UBE2R2: variants seen among roughly 807,000 people sequenced by gnomAD.
The protein encoded by UBE2R2 is ubiquitin-conjugating enzyme E2 R2.
A neutral mutation model predicts 27.8 loss-of-function variants in UBE2R2; 1 was observed. The observed-to-expected ratio is 0.04, with a 90% CI of 0.01 to 0.17. The LOEUF (loss-of-function observed/expected upper bound fraction) is 0.17. Among genes scored for constraint, UBE2R2 ranks in the 10% least tolerant of loss-of-function variants. The pLI, the probability that UBE2R2 is intolerant of heterozygous loss-of-function variation, is 1.00. For missense variants in UBE2R2, 100 were observed against 291.0 expected, an observed-to-expected ratio of 0.34 and a Z score of 4.78; for synonymous variants, 106 against 113.3, an observed-to-expected ratio of 0.94 and a Z score of 0.41.
intron 1 of UBE2R2, among the ~76,000 whole-genome samples, chr9:33,853,031 T>C (rs1821002645): frequency 6.6e-6 from 1 of 151,946 alleles, no homozygotes; most frequent in African/African-American, 2.4e-5. Flanking sequence ...AAAATTGTAA[T>C]TAATTTTTAA....
intron 1 of UBE2R2, among the ~76,000 whole-genome samples, chr9:33,840,836 C>G (rs958524668): frequency 6.6e-6 from 1 of 152,140 alleles, no homozygotes; most frequent in Non-Finnish European, 1.5e-5. Context: ...AGGATATATA[C>G]TTGATTCTTT....
chr9:33,835,086 C>G (rs1041050995), intron 1 of UBE2R2, among the ~76,000 whole-genome samples: 4 of 148,526 alleles, frequency 2.7e-5, no homozygotes, highest in African/African-American at 7.4e-5. Flanking sequence ...TGTTTTGAAA[C>G]TTAATATGAA....
In UBE2R2 at chr9:33,909,140, A is replaced by G. The variant is rs184172970; in HGVS notation, c.363-2824A>G. 1.9e-4 allele frequency among the ~76,000 whole-genome samples: 29 copies of G among 150,500 alleles called. No homozygotes were observed. The East Asian group carries it at 2.1e-3, about 11-fold the overall frequency. On this transcript the variant is annotated intron_variant, in intron 3 of 4. Coordinates refer to ENST00000263228, the MANE Select transcript of UBE2R2 (RefSeq NM_017811.4). ...TAGGTTATACATTATCATCATCATC[A>G]TCGTCGTCGTCATTGAAAGTTATTA...
chr9:33,818,760 T>C (rs916299708), intron 1 of UBE2R2: 2 of 152,156 alleles, frequency 1.3e-5, no homozygotes, highest in African/African-American at 4.8e-5. Context: ...CTTCCTACTT[T>C]CAGAGACAAA....
intron 1 of UBE2R2, among the ~76,000 whole-genome samples, chr9:33,863,408 AG>A (rs952824937): frequency 7.3e-5 from 11 of 151,434 alleles, no homozygotes; most frequent in African/African-American, 2.7e-4. Context: ...GCTATTTGGG[AG>A]GCTCAGGCAG....
At chr9:33,837,442 A>T (rs1820638627) in intron 1 of UBE2R2, among the ~76,000 whole-genome samples, 1 of 127,064 alleles carries the variant, frequency 7.9e-6, no homozygotes, top group African/African-American at 3.0e-5. Context: ...TTTTTTTGAG[A>T]CAGGGTCTGC....
intron 1 of UBE2R2, among the ~76,000 whole-genome samples, chr9:33,834,834 C>A (rs1026819168): frequency 6.6e-6 from 1 of 151,076 alleles, no homozygotes; most frequent in Non-Finnish European, 1.5e-5. Flanking sequence ...CCCTTGTTCC[C>A]GGGAGGTGGA....
At chr9:33,893,478 ATTTGGATTGTTTCTCCC>A (rs1030862097) in intron 2 of UBE2R2, among the ~76,000 whole-genome samples, 2 of 152,130 alleles carry the variant, frequency 1.3e-5, no homozygotes, top group African/African-American at 4.8e-5. Context: ...TGATGGACAC[ATTTGGATTGTTTCTCCC>A]TTTTGTATAT....
intron 1 of UBE2R2, among the ~76,000 whole-genome samples, chr9:33,827,663 ATAAAAT>A (rs1820345229): frequency 6.6e-6 from 1 of 151,842 alleles, no homozygotes; most frequent in Admixed American, 6.6e-5. Context: ...TAATTAATTA[ATAAAAT>A]TAAATTAAAA....
At position 33,908,151 on chromosome 9, in the gene UBE2R2, A is replaced by G. The variant is rs369833961; in HGVS notation, c.363-3813A>G. Among the ~76,000 whole-genome samples the G allele has an allele frequency of 1.5e-4, 23 of 152,226 alleles. 2 individuals are homozygous for G. Among genetic ancestry groups the G allele is most frequent in the African/African-American group, 4.6e-4 (19 of 41,504 alleles). On this transcript the variant is annotated intron_variant, in intron 3 of 4. Coordinates refer to ENST00000263228, the MANE Select transcript of UBE2R2 (RefSeq NM_017811.4). ...GAAATAGTTCTTAAATTCAAATTCA[A>G]TTTTGTGTATTCCAACAGTATTATC...
At chr9:33,883,138 T>G (rs576253416) in intron 1 of UBE2R2, among the ~76,000 whole-genome samples, 37 of 152,344 alleles carry the variant, frequency 2.4e-4, no homozygotes, top group African/African-American at 8.9e-4. Flanking sequence ...TTTTTACTTT[T>G]GTTCCTTGTG....
At chr9:33,825,366 G>A (rs535958103) in intron 1 of UBE2R2, among the ~76,000 whole-genome samples, 51 of 148,292 alleles carry the variant, frequency 3.4e-4, no homozygotes, top group Admixed American at 2.0e-3. Flanking sequence ...TCAGCTTCCC[G>A]AGTAGCTGGG....
intron 2 of UBE2R2, among the ~76,000 whole-genome samples, chr9:33,898,146 CGT>C: frequency 6.6e-6 from 1 of 151,958 alleles, no homozygotes; most frequent in Admixed American, 6.6e-5. Flanking sequence ...AGTGCAGTGG[CGT>C]GATCTCAGCT....
At chr9:33,878,485 G>A (rs545563859) in intron 1 of UBE2R2, among the ~76,000 whole-genome samples, 8 of 152,116 alleles carry the variant, frequency 5.3e-5, no homozygotes, top group Non-Finnish European at 8.8e-5. Context: ...AGGCCTGGTG[G>A]TGCACGTCTG....
intron 4 of UBE2R2, among the ~76,000 whole-genome samples, chr9:33,916,376 T>C (rs1822642585): frequency 6.6e-6 from 1 of 152,102 alleles, no homozygotes; most frequent in South Asian, 2.1e-4. Flanking sequence ...GACACTGGAA[T>C]CTGGCATAGG....
chr9:33,917,314 G>GC lies in UBE2R2; in HGVS notation c.*81dup, dbSNP rs1822672626. The GC allele has an allele frequency of 4.4e-6, 7 of 1,580,098 alleles. No homozygotes were observed. The highest frequency in any genetic ancestry group is 1.7e-5 in the Admixed American group (1 of 58,044). On this transcript the variant is annotated 3_prime_UTR_variant, in exon 5 of 5. Transcript: ENST00000263228. ...GGGAGCAAGTGGGGACCTGGCCATG[G>GC]CCCCTCAGCAAAAACCTATTCACAG...
At position 33,920,146 on chromosome 9, in the gene UBE2R2, AAAAC is replaced by A. The variant is rs555643500; in HGVS notation, c.*2916_*2919del. 113 of 152,604 alleles carry A rather than the reference AAAAC, an allele frequency of 7.4e-4. No homozygotes were observed. Among genetic ancestry groups the A allele is most frequent in the South Asian group, 2.7e-3 (13 of 4,822 alleles). 9.5% of individuals were successfully genotyped at this position (152,604 alleles called of 1,614,324 possible). A position where few individuals can be genotyped will look rare whatever the true frequency, so the allele number is the denominator to read the frequency against. On this transcript the variant is annotated 3_prime_UTR_variant, in exon 5 of 5. Transcript: ENST00000263228. ...AACTCTCCACCCCTCCCATCCTGATAAAACAAACAAGGTTTACATTTACAACTAA... is the reference window on the plus strand; with the variant it reads ...AACTCTCCACCCCTCCCATCCTGATAAAACAAGGTTTACATTTACAACTAA...
chr9:33,865,911 A>G (rs1443154854), intron 1 of UBE2R2, among the ~76,000 whole-genome samples: 1 of 148,294 alleles, frequency 6.7e-6, no homozygotes, highest in Non-Finnish European at 1.5e-5. Flanking sequence ...GGCTCACTGT[A>G]ACTTCCACGT....
At chr9:33,843,714 A>G (rs1297958881) in intron 1 of UBE2R2, among the ~76,000 whole-genome samples, 1 of 151,788 alleles carries the variant, frequency 6.6e-6, no homozygotes, top group African/African-American at 2.4e-5. Flanking sequence ...CCTGACCTCA[A>G]ATGATCTGCC....
Sources: gnomAD v4.1 joint callset for allele counts (sites outside exome capture counted in the v4.1 genomes callset) on GRCh38, gnomAD v4.1.1 for gene constraint, MANE v1.5 for transcripts, NCBI Gene and HGNC (gene_info 2026-07-23, HGNC 2026-07-21) for gene names.